Variants in THSD4 observed in about 807,000 individuals in gnomAD.
THSD4 encodes the protein thrombospondin type-1 domain-containing protein 4.
In THSD4, 69 loss-of-function variants were observed where a neutral mutation model predicts 119.0. The ratio of observed to expected loss-of-function variants is 0.58; its 90% CI spans 0.48 to 0.71. The LOEUF (loss-of-function observed/expected upper bound fraction) is 0.71, where lower values mean the gene tolerates loss of function less well. Ranked by LOEUF, THSD4 falls within the 30% of genes least tolerant of loss-of-function variation. The probability of loss-of-function intolerance (pLI) is 0.00; values close to 1 mark genes in which losing one functional copy is unlikely to be tolerated. For missense variants in THSD4, 1,393 were observed against 1,391.1 expected (o/e 1.00, Z -0.02); for synonymous variants, 524 against 540.4 (o/e 0.97, Z 0.42).
intron 7 of THSD4, among the ~76,000 whole-genome samples, chr15:71,523,817 A>G (rs995221668): frequency 6.6e-6 from 1 of 152,210 alleles, no homozygotes. Context: ...ACCAAGGCAT[A>G]TTTCCCCAAA....
chr15:71,604,733 G>A (rs1040797564), intron 7 of THSD4, among the ~76,000 whole-genome samples: 1 of 152,090 alleles, frequency 6.6e-6, no homozygotes, highest in Non-Finnish European at 1.5e-5. Flanking sequence ...GTTATTTACT[G>A]TTTTAAGTTA....
intron 6 of THSD4, among the ~76,000 whole-genome samples, chr15:71,350,475 T>A (rs2045729940): frequency 6.6e-6 from 1 of 152,120 alleles, no homozygotes; most frequent in Admixed American, 6.5e-5. Flanking sequence ...CAGTGACCGC[T>A]TAAGTGACCT....
intron 6 of THSD4, among the ~76,000 whole-genome samples, chr15:71,267,784 A>G (rs1370102998): frequency 6.6e-6 from 1 of 152,228 alleles, no homozygotes; most frequent in Admixed American, 6.5e-5. Flanking sequence ...AGCAAATGGA[A>G]AGCAAAAAAG....
chr15:71,752,775 G>A (rs1251519558), intron 14 of THSD4, among the ~76,000 whole-genome samples: 1 of 152,232 alleles, frequency 6.6e-6, no homozygotes, highest in African/African-American at 2.4e-5. Flanking sequence ...CCTGTGGGCT[G>A]CTTCATTCTT....
At chr15:71,491,508 G>A (rs1363500869) in intron 7 of THSD4, among the ~76,000 whole-genome samples, 1 of 152,212 alleles carries the variant, frequency 6.6e-6, no homozygotes, top group Non-Finnish European at 1.5e-5. Context: ...CAGAGAGTCT[G>A]CATCAGCAGG....
chr15:71,433,188 A>G (rs1464192725), intron 7 of THSD4, among the ~76,000 whole-genome samples: 1 of 151,496 alleles, frequency 6.6e-6, no homozygotes, highest in Non-Finnish European at 1.5e-5. Context: ...TAAAAAGCCA[A>G]AAGTATGTAA....
intron 7 of THSD4, among the ~76,000 whole-genome samples, chr15:71,412,849 C>T (rs937303718): frequency 2.0e-5 from 3 of 152,044 alleles, no homozygotes; most frequent in African/African-American, 7.3e-5. Flanking sequence ...ATTATGAGTA[C>T]ATAATGGATG....
At position 71,705,780 on chromosome 15, in the gene THSD4, C is replaced by T. The variant is rs141611807; in HGVS notation, c.1358-22769C>T. Among the ~76,000 whole-genome samples the T allele has an allele frequency of 3.8e-3, 572 of 152,262 alleles. 4 individuals are homozygous for T. Among genetic ancestry groups the T allele is most frequent in the African/African-American group, 0.012 (517 of 41,554 alleles). Reference sequence around the variant, plus strand: ...CAAGGAGAATCTAAAGGAGAAAAAGCGCAAGACATGAACTCTTCCCTCCAA... The same window carrying T: ...CAAGGAGAATCTAAAGGAGAAAAAGTGCAAGACATGAACTCTTCCCTCCAA... On this transcript the variant is annotated intron_variant, in intron 8 of 17. Coordinates refer to ENST00000261862, the MANE Select transcript of THSD4 (RefSeq NM_024817.3).
chr15:71,647,867 G>A (rs1314403358), intron 7 of THSD4, among the ~76,000 whole-genome samples: 4 of 152,212 alleles, frequency 2.6e-5, no homozygotes, highest in African/African-American at 7.2e-5. Context: ...AGGAGATGCT[G>A]AAGCAGTGTG....
At chr15:71,643,485 C>G (rs191137517) in intron 7 of THSD4, among the ~76,000 whole-genome samples, 37 of 152,144 alleles carry the variant, frequency 2.4e-4, no homozygotes, top group Non-Finnish European at 4.4e-4. Context: ...AAGTAGGCCC[C>G]AGTGTGTGTT....
chr15:71,279,897 A>C (rs2044632423), intron 6 of THSD4, among the ~76,000 whole-genome samples: 1 of 152,200 alleles, frequency 6.6e-6, no homozygotes, highest in Non-Finnish European at 1.5e-5. Flanking sequence ...TGGGCAAAGG[A>C]CACAACCTCA....
chr15:71,298,272 C>G (rs553299156), intron 6 of THSD4, among the ~76,000 whole-genome samples: 3 of 152,224 alleles, frequency 2.0e-5, no homozygotes, highest in South Asian at 4.2e-4. Flanking sequence ...TCTCTGGACT[C>G]TCAATTCTAT....
intron 7 of THSD4, among the ~76,000 whole-genome samples, chr15:71,620,928 A>G (rs73445741): frequency 0.034 from 5,106 of 152,108 alleles, 320 homozygotes; most frequent in African/African-American, 0.12. Flanking sequence ...GCTGCCTCCT[A>G]TTGTGTTATT....
intron 6 of THSD4, among the ~76,000 whole-genome samples, chr15:71,354,371 G>A (rs2045781929): frequency 1.3e-5 from 2 of 152,224 alleles, no homozygotes; most frequent in Non-Finnish European, 2.9e-5. Flanking sequence ...AGGGAAAAGT[G>A]TCCAGAAGAG....
chr15:71,568,404 G>A (rs555665542), intron 7 of THSD4, among the ~76,000 whole-genome samples: 2 of 151,950 alleles, frequency 1.3e-5, no homozygotes, highest in East Asian at 1.9e-4. Context: ...GTAGGATCCC[G>A]GGATTCTATT....
chr15:71,773,138 C>T (rs2053850530), intron 17 of THSD4, among the ~76,000 whole-genome samples: 1 of 140,148 alleles, frequency 7.1e-6, no homozygotes, highest in Admixed American at 7.9e-5. Flanking sequence ...GAGGTCAAGG[C>T]TGCAGTGAGG....
chr15:71,170,757 T>C (rs1184919952), intron 3 of THSD4, among the ~76,000 whole-genome samples: 3 of 152,148 alleles, frequency 2.0e-5, no homozygotes, highest in Admixed American at 1.3e-4. Context: ...CTGGCACATA[T>C]TTTAGAATAT....
intron 8 of THSD4, among the ~76,000 whole-genome samples, chr15:71,727,575 TATATATATATATAC>T (rs2052879379): frequency 4.6e-4 from 17 of 37,144 alleles, no homozygotes; most frequent in East Asian, 9.9e-4. Flanking sequence ...TATATATATA[TATATATATATATAC>T]ACACACACAC....
intron 7 of THSD4, among the ~76,000 whole-genome samples, chr15:71,440,762 A>G (rs2047077535): frequency 2.0e-5 from 3 of 152,212 alleles, no homozygotes; most frequent in Admixed American, 2.0e-4. Flanking sequence ...AGGGCTGGCA[A>G]TGCACCAAAA....
Sources: gnomAD v4.1 joint callset for allele counts (sites outside exome capture counted in the v4.1 genomes callset) on GRCh38, gnomAD v4.1.1 for gene constraint, MANE v1.5 for transcripts, NCBI Gene and HGNC (gene_info 2026-07-23, HGNC 2026-07-21) for gene names.